The following CNTN5 variants were observed in gnomAD, a reference collection of about 807,000 sequenced individuals.
The protein encoded by CNTN5 is contactin 5, also known as contactin-5.
CNTN5 carries 77 observed loss-of-function variants against 129.1 expected under a neutral mutation model. The observed-to-expected ratio is 0.60, with a 90% confidence interval of 0.50 to 0.72. The LOEUF is 0.72. Ranked by LOEUF, CNTN5 falls within the 30% of genes least tolerant of loss-of-function variation. The pLI is 0.00. For synonymous variants in CNTN5, 509 were observed against 465.6 expected (o/e 1.09, Z -1.20); for missense variants, 1,478 against 1,328.8 (o/e 1.11, Z -1.75).
rs1565412062 is a variant in CNTN5, at chr11:100,299,092, TAA to T, written c.2386-69_2386-68del. 558 of 1,045,790 alleles carry T rather than the reference TAA, an allele frequency of 5.3e-4. 1 individual carries two copies. In the East Asian group the frequency reaches 9.6e-3, roughly 18 times the overall value. 64.8% of individuals were successfully genotyped at this position (1,045,790 alleles called of 1,614,324 possible). A position where few individuals can be genotyped will look rare whatever the true frequency, so the allele number is the denominator to read the frequency against. ...CTAGCTATCTATAATTTTTTTTAAT[TAA>T]GAATTTGGAGAAAGTGGATTTTTAA... On this transcript the variant is annotated intron_variant, in intron 19 of 24. Transcript: ENST00000524871.
At chr11:99,773,676 AATATT>A (rs1305786760) in intron 3 of CNTN5, among the ~76,000 whole-genome samples, 1 of 152,066 alleles carries the variant, frequency 6.6e-6, no homozygotes, top group Admixed American at 6.6e-5. Flanking sequence ...TGATAATAGT[AATATT>A]ATATTTCTCA....
intron 1 of CNTN5, among the ~76,000 whole-genome samples, chr11:99,295,390 A>G (rs566046326): frequency 1.5e-4 from 23 of 152,372 alleles, no homozygotes; most frequent in African/African-American, 5.5e-4. Flanking sequence ...CTTTTACAAG[A>G]GAATTTAAAG....
intron 3 of CNTN5, among the ~76,000 whole-genome samples, chr11:99,631,907 C>T (rs981862098): frequency 3.3e-5 from 5 of 152,056 alleles, no homozygotes; most frequent in East Asian, 3.9e-4. Context: ...AGACCACATT[C>T]GTGTAACTTT....
At chr11:99,193,105 A>G (rs1187900745) in intron 1 of CNTN5, among the ~76,000 whole-genome samples, 1 of 152,168 alleles carries the variant, frequency 6.6e-6, no homozygotes, top group African/African-American at 2.4e-5. Context: ...TCATGAAATG[A>G]TCATTTTTCA....
chr11:100,049,803 A>C (rs895144622), intron 9 of CNTN5, among the ~76,000 whole-genome samples: 9 of 152,194 alleles, frequency 5.9e-5, no homozygotes, highest in Middle Eastern at 3.2e-3. Context: ...CCCCATCAAA[A>C]AGTGGGCAAA....
At chr11:100,094,769 G>GAAGA (rs1555006056) in intron 13 of CNTN5, among the ~76,000 whole-genome samples, 2 of 81,246 alleles carry the variant, frequency 2.5e-5, no homozygotes, top group Non-Finnish European at 4.6e-5. Context: ...GGGAGGAAAG[G>GAAGA]AAGGAAGGAA....
At chr11:100,191,359 T>C (rs1948486599) in intron 14 of CNTN5, 106 bp downstream of exon 14, 1 of 825,552 alleles carries the variant, frequency 1.2e-6, no homozygotes, top group Admixed American at 3.8e-5. Context: ...AGTGTGTGCA[T>C]GCTTGTGTTT....
At chr11:99,881,331 T>C (rs1030753111) in intron 6 of CNTN5, among the ~76,000 whole-genome samples, 1 of 152,226 alleles carries the variant, frequency 6.6e-6, no homozygotes, top group Non-Finnish European at 1.5e-5. Context: ...CAAAATAAAA[T>C]GCCTACTCCC....
intron 3 of CNTN5, among the ~76,000 whole-genome samples, chr11:99,648,384 T>G (rs1209873313): frequency 6.6e-6 from 1 of 151,854 alleles, no homozygotes; most frequent in Non-Finnish European, 1.5e-5. Context: ...CTCACCCAAG[T>G]TACAATGACT....
At position 100,297,637 on chromosome 11, in the gene CNTN5, C is replaced by A; in HGVS notation, c.2327C>A (p.Ala776Glu). The part of the protein sequence containing the change: ...IRTNEAVPKT[A>E]PTNVSGRSGR... ...TTTTTATCCACAGTTCCGAAGACAGCACCCACCAATGTAAGCGGAAGAAGT... is the reference window on the plus strand; with the variant it reads ...TTTTTATCCACAGTTCCGAAGACAGAACCCACCAATGTAAGCGGAAGAAGT... The change falls in exon 19 of 25, where the codon GCA (alanine) becomes GAA (glutamate). Residue 776 changes from alanine to glutamate, a missense_variant. Ala to Glu is a moderately radical substitution (Grantham distance 107, BLOSUM62 -1). Transcript: ENST00000524871. 2 of 1,606,378 alleles carry A rather than the reference C, an allele frequency of 1.2e-6. No homozygotes were observed. Among genetic ancestry groups the A allele is most frequent in the Non-Finnish European group, 1.7e-6 (2 of 1,175,420 alleles).
chr11:99,472,771 C>A (rs564919030), intron 2 of CNTN5, among the ~76,000 whole-genome samples: 1 of 152,026 alleles, frequency 6.6e-6, no homozygotes, highest in Non-Finnish European at 1.5e-5. Context: ...TGAGTTCAAG[C>A]GATTCTTATT....
chr11:99,284,301 C>T (rs1225316475), intron 1 of CNTN5, among the ~76,000 whole-genome samples: 3 of 151,948 alleles, frequency 2.0e-5, no homozygotes, highest in Admixed American at 6.6e-5. Flanking sequence ...GCACACATGA[C>T]ATGTTATGGG....
intron 13 of CNTN5, among the ~76,000 whole-genome samples, chr11:100,097,466 T>C (rs1488570905): frequency 6.6e-6 from 1 of 152,114 alleles, no homozygotes. Context: ...TCATTGTGTC[T>C]ATGTGAAGGA....
At chr11:99,808,151 A>G (rs1946328005) in intron 3 of CNTN5, among the ~76,000 whole-genome samples, 1 of 152,218 alleles carries the variant, frequency 6.6e-6, no homozygotes, top group African/African-American at 2.4e-5. Context: ...TAACTTAGCC[A>G]AGAAACAGCA....
At chr11:99,103,105 T>A (rs1866819296) in intron 1 of CNTN5, among the ~76,000 whole-genome samples, 1 of 152,094 alleles carries the variant, frequency 6.6e-6, no homozygotes, top group Non-Finnish European at 1.5e-5. Context: ...TAAGGCTTAT[T>A]CACTACCATG....
intron 3 of CNTN5, among the ~76,000 whole-genome samples, chr11:99,671,058 C>G (rs1953015056): frequency 6.6e-6 from 1 of 151,896 alleles, no homozygotes; most frequent in South Asian, 2.1e-4. Context: ...TGTGCTTGCG[C>G]TTGCACGTGC....
chr11:100,083,686 C>T (rs1422689645), intron 13 of CNTN5, among the ~76,000 whole-genome samples: 1 of 148,024 alleles, frequency 6.8e-6, no homozygotes, highest in African/African-American at 2.7e-5. Flanking sequence ...ATTCCATTTT[C>T]AACAGTATGT....
chr11:99,281,002 A>T (rs536145517), intron 1 of CNTN5, among the ~76,000 whole-genome samples: 1 of 151,982 alleles, frequency 6.6e-6, no homozygotes, highest in African/African-American at 2.4e-5. Context: ...AAATCACAAA[A>T]ATTTAAAAAT....
chr11:99,085,375 T>G (rs1336670714), intron 1 of CNTN5, among the ~76,000 whole-genome samples: 1 of 152,140 alleles, frequency 6.6e-6, no homozygotes, highest in Non-Finnish European at 1.5e-5. Flanking sequence ...ATATGGCTAT[T>G]ATTAAAGATT....
Sources: gnomAD v4.1 joint callset for allele counts (sites outside exome capture counted in the v4.1 genomes callset) on GRCh38, gnomAD v4.1.1 for gene constraint, MANE v1.5 for transcripts, NCBI Gene and HGNC (gene_info 2026-07-23, HGNC 2026-07-21) for gene names.